The following SCRG1 variants were observed in gnomAD, a reference collection of about 807,000 sequenced individuals.
SCRG1 encodes the protein scrapie-responsive protein 1.
Under a neutral mutation model 7.7 loss-of-function variants are expected in SCRG1, and 3 were observed. The observed-to-expected ratio is 0.39, with a 90% CI of 0.18 to 1.01. The LOEUF is 1.01. SCRG1 is among the 50% of genes least tolerant of loss of function. The pLI, the probability that SCRG1 is intolerant of heterozygous loss-of-function variation, is 0.36. For synonymous variants in SCRG1, 46 were observed against 41.2 expected (o/e 1.12, Z -0.44); for missense variants, 110 against 117.2 (o/e 0.94, Z 0.28).
the SCRG1 span, among the ~76,000 whole-genome samples, chr4:173,510,603 T>C: frequency 6.6e-6 from 1 of 152,112 alleles, no homozygotes; most frequent in Non-Finnish European, 1.5e-5. The surrounding 1 kb of genome is among the most constrained non-coding windows in gnomAD (Gnocchi z 5.7). Flanking sequence ...TCTCTTCTAC[T>C]GCAGTCTTCT....
rs564107939 is a variant in SCRG1, at chr4:173,396,069, G to A, written c.-15+2999C>T. Among the ~76,000 whole-genome samples the A allele has an allele frequency of 3.3e-5, 5 of 152,322 alleles. No homozygotes were observed. In the South Asian group the frequency reaches 6.2e-4, roughly 19 times the overall value. On this transcript the variant is annotated intron_variant, in intron 1 of 2. Coordinates refer to ENST00000296506, the MANE Select transcript of SCRG1 (RefSeq NM_007281.4). ...AAATAGAAGAAAACAGGCTTTTGGT[G>A]AGAACTGATGGGATATATGAAGCAA...
At chr4:173,414,141 T>C in the SCRG1 span, among the ~76,000 whole-genome samples, 12 of 152,320 alleles carry the variant, frequency 7.9e-5, no homozygotes, top group South Asian at 2.5e-3. Flanking sequence ...AAATCCTCTC[T>C]TGGGACCTGC....
At chr4:173,468,311 G>A in the SCRG1 span, 6 of 152,232 alleles carry the variant, frequency 3.9e-5, no homozygotes, top group East Asian at 1.2e-3. Flanking sequence ...ATATAGCCTA[G>A]GTATATTGTA....
chr4:173,408,991 C>CAAAAAAAAA (rs991902394), upstream of SCRG1, among the ~76,000 whole-genome samples: 15 of 51,212 alleles, frequency 2.9e-4, no homozygotes, highest in Non-Finnish European at 4.5e-4. Flanking sequence ...GACTCAGTCT[C>CAAAAAAAAA]AAAAAAAAAA....
chr4:173,389,797 C>G (rs1443851961), intron 2 of SCRG1: 1 of 377,250 alleles, frequency 2.7e-6, no homozygotes, highest in Non-Finnish European at 5.5e-6. Context: ...TGGGATAGTA[C>G]TGGTCACTTC....
At chr4:173,511,399 G>T in the SCRG1 span, among the ~76,000 whole-genome samples, 3 of 152,178 alleles carry the variant, frequency 2.0e-5, no homozygotes, top group African/African-American at 7.2e-5. This position sits in a 1 kb window ranked among gnomAD's most constrained non-coding sequence, Gnocchi z 5.2. Context: ...CTCTTTTCTC[G>T]CCTGGCCTGG....
chr4:173,403,274 A>G (rs1739808999), upstream of SCRG1: 2 of 152,110 alleles, frequency 1.3e-5, no homozygotes, highest in Non-Finnish European at 2.9e-5. Flanking sequence ...AGGGAGAGAA[A>G]TGCTTCCATG....
the SCRG1 span, among the ~76,000 whole-genome samples, chr4:173,499,997 G>GT: frequency 2.0e-5 from 3 of 152,174 alleles, no homozygotes; most frequent in Non-Finnish European, 2.9e-5. This position sits in a 1 kb window ranked among gnomAD's most constrained non-coding sequence, Gnocchi z 4.1. Context: ...ACAATGAGAC[G>GT]TAACGGGTGG....
the SCRG1 span, among the ~76,000 whole-genome samples, chr4:173,442,266 A>G: frequency 6.6e-6 from 1 of 152,170 alleles, no homozygotes; most frequent in Non-Finnish European, 1.5e-5. Context: ...ATCCTCATCT[A>G]TATTTTAGGT....
chr4:173,453,828 G>T, the SCRG1 span, among the ~76,000 whole-genome samples: 39 of 152,308 alleles, frequency 2.6e-4, no homozygotes, highest in African/African-American at 9.1e-4. Flanking sequence ...TGTAAACCCA[G>T]CACTTTGGGA....
intron 1 of SCRG1, among the ~76,000 whole-genome samples, chr4:173,396,643 T>G (rs1226726596): frequency 6.6e-6 from 1 of 151,954 alleles, no homozygotes; most frequent in Non-Finnish European, 1.5e-5. Flanking sequence ...TAAGATCATT[T>G]TTTTGCCACA....
the SCRG1 span, among the ~76,000 whole-genome samples, chr4:173,501,298 G>T: frequency 1.3e-5 from 2 of 152,200 alleles, no homozygotes; most frequent in Admixed American, 1.3e-4. This position sits in a 1 kb window ranked among gnomAD's most constrained non-coding sequence, Gnocchi z 5.1. Context: ...CGTCGGGATT[G>T]GCTACACCAG....
Position 173,391,355 on chromosome 4 carries a change from G to A in SCRG1, c.60C>T (p.Ala20=). 3 of 1,614,180 alleles carry A rather than the reference G, an allele frequency of 1.9e-6. No homozygotes were observed. The highest frequency in any genetic ancestry group is 2.5e-6 in the Non-Finnish European group (3 of 1,180,028). The part of the protein sequence containing the change: ...IGLTLLLGVQ[A]MPANRLSCYR... ...AGCAAGAGAGGCGATTTGCAGGCAT[G>A]GCTTGAACTCCTAGCAGCAAAGTTA... is the stretch of plus-strand genomic sequence containing the variant. Residue 20 remains alanine, a synonymous_variant, in exon 2 of 3, where the codon GCC becomes GCT. Coordinates refer to ENST00000296506, the MANE Select transcript of SCRG1 (RefSeq NM_007281.4).
chr4:173,477,914 A>G, the SCRG1 span, among the ~76,000 whole-genome samples: 147,563 of 152,052 alleles, frequency 0.97, 71,783 homozygotes, highest in Non-Finnish European at 1. Flanking sequence ...GACCACAGGC[A>G]TGCACCACCA....
At chr4:173,518,437 A>G in the SCRG1 span, among the ~76,000 whole-genome samples, 34 of 152,358 alleles carry the variant, frequency 2.2e-4, no homozygotes, top group African/African-American at 8.2e-4. Flanking sequence ...TTTCTGCAAC[A>G]GAGTTTCCAA....
chr4:173,479,436 T>TTTG, the SCRG1 span, among the ~76,000 whole-genome samples: 5 of 124,396 alleles, frequency 4.0e-5, no homozygotes, highest in Middle Eastern at 4.4e-3. Flanking sequence ...TGTTTGTTTG[T>TTTG]TTTTTTGTTT....
At chr4:173,460,994 G>A in the SCRG1 span, among the ~76,000 whole-genome samples, 1 of 152,218 alleles carries the variant, frequency 6.6e-6, no homozygotes, top group Admixed American at 6.5e-5. Context: ...CTTTTAGAAA[G>A]GGGAGAGAAG....
chr4:173,468,958 C>T, the SCRG1 span: 1 of 152,144 alleles, frequency 6.6e-6, no homozygotes, highest in Non-Finnish European at 1.5e-5. Context: ...AGGTAGGCTT[C>T]TGCACAGCGA....
chr4:173,423,728 C>A, the SCRG1 span, among the ~76,000 whole-genome samples: 2 of 150,932 alleles, frequency 1.3e-5, no homozygotes, highest in Admixed American at 6.6e-5. Context: ...TCTGATGGAA[C>A]CTGTCTTAGT....
Sources: gnomAD v4.1 joint callset for allele counts (sites outside exome capture counted in the v4.1 genomes callset) on GRCh38, gnomAD v4.1.1 for gene constraint, Gnocchi (gnomAD v3.1) non-coding constraint, MANE v1.5 for transcripts, NCBI Gene and HGNC (gene_info 2026-07-23, HGNC 2026-07-21) for gene names.